VPS13B: variants seen among roughly 807,000 people sequenced by gnomAD.
The protein encoded by VPS13B is vacuolar protein sorting 13 homolog B.
VPS13B carries 285 observed loss-of-function variants against 426.4 expected under a neutral mutation model. That is an observed-to-expected ratio of 0.67 (90% CI 0.61 to 0.74). The LOEUF (loss-of-function observed/expected upper bound fraction) is 0.74, where lower values mean the gene tolerates loss of function less well. Among genes scored for constraint, VPS13B ranks in the 30% least tolerant of loss-of-function variants. VPS13B has a pLI of 0.00. For missense variants in VPS13B, 4,537 were observed against 4,782.6 expected, an observed-to-expected ratio of 0.95 and a Z score of 1.51; for synonymous variants, 1,676 against 1,676.4, an observed-to-expected ratio of 1.00 and a Z score of 0.01.
At chr8:99,241,212 G>A (rs1816917274) in intron 17 of VPS13B, 1 of 152,068 alleles carries the variant, frequency 6.6e-6, no homozygotes, top group Admixed American at 6.6e-5. Context: ...TCATGACTTA[G>A]GTCTTTTAAA....
chr8:99,561,707 G>A (rs1824931075), intron 31 of VPS13B, among the ~76,000 whole-genome samples: 1 of 152,182 alleles, frequency 6.6e-6, no homozygotes, highest in Non-Finnish European at 1.5e-5. Flanking sequence ...GATTGGTTAA[G>A]TGTATTAAAT....
chr8:99,117,035 G>GATGTAGAA (rs1847695841), intron 7 of VPS13B, among the ~76,000 whole-genome samples: 1 of 84,836 alleles, frequency 1.2e-5, no homozygotes, highest in Non-Finnish European at 2.5e-5. Flanking sequence ...TGAATGATCT[G>GATGTAGAA]ATGTAGAAAG....
intron 19 of VPS13B, among the ~76,000 whole-genome samples, chr8:99,321,087 C>G (rs1289114384): frequency 1.3e-5 from 2 of 152,040 alleles, no homozygotes; most frequent in South Asian, 2.1e-4. Context: ...AAGTCAGATT[C>G]TGGAACATTC....
chr8:99,864,518 C>A (rs1309280943), intron 58 of VPS13B, among the ~76,000 whole-genome samples: 1 of 152,216 alleles, frequency 6.6e-6, no homozygotes. Context: ...TACACCACTG[C>A]ACTCCAGCCT....
intron 17 of VPS13B, among the ~76,000 whole-genome samples, chr8:99,249,340 A>G (rs780300377): frequency 1.3e-5 from 2 of 151,878 alleles, no homozygotes; most frequent in Non-Finnish European, 2.9e-5. Context: ...AAACATTTAT[A>G]TACAAGTTTT....
At chr8:99,432,417 A>G (rs573412466) in intron 22 of VPS13B, among the ~76,000 whole-genome samples, 1 of 152,260 alleles carries the variant, frequency 6.6e-6, no homozygotes, top group East Asian at 1.9e-4. Context: ...GTGATCTGCA[A>G]AATTACAGCT....
chr8:99,535,604 CT>C (rs566242350), intron 30 of VPS13B, among the ~76,000 whole-genome samples: 13 of 151,966 alleles, frequency 8.6e-5, no homozygotes, highest in South Asian at 2.1e-4. Context: ...TTTCTTTTTA[CT>C]TTTTTCATTT....
In VPS13B at chr8:99,481,722, C is replaced by G. The variant is rs527263178; in HGVS notation, c.3790C>G (p.Pro1264Ala). ...ETMAGPVPTS[P>A]VRSSIGTAPP... ...CATGGCAGGGCCTGTTCCTACTTCTCCAGTTAGAAGCAGTATAGGCACAGC... is the reference window on the plus strand; with the variant it reads ...CATGGCAGGGCCTGTTCCTACTTCTGCAGTTAGAAGCAGTATAGGCACAGC... Residue 1264 changes from proline to alanine, a missense_variant, in exon 25 of 62, where the codon CCA becomes GCA. Pro to Ala is a conservative substitution (Grantham distance 27). Around this residue, in one of 2 missense-constraint regions of VPS13B, gnomAD observed 4,311 missense variants for 4,474.3 expected, o/e 0.96. Transcript: ENST00000357162. 6.2e-7 allele frequency: 1 copy of G among 1,614,008 alleles called. No individual in the cohort carries two copies. Among genetic ancestry groups the G allele is most frequent in the South Asian group, 1.1e-5 (1 of 91,078 alleles).
At chr8:99,235,199 C>G (rs1169810935) in intron 17 of VPS13B, among the ~76,000 whole-genome samples, 1 of 152,146 alleles carries the variant, frequency 6.6e-6, no homozygotes, top group Admixed American at 6.6e-5. Flanking sequence ...TGGAATTGAA[C>G]ACCTTCTTTG....
At chr8:99,698,050 C>A in intron 35 of VPS13B, 1 of 351,704 alleles carries the variant, frequency 2.8e-6, no homozygotes, top group Non-Finnish European at 5.5e-6. Flanking sequence ...CCTCCTGCTG[C>A]CCCACTGCCC....
intron 33 of VPS13B, among the ~76,000 whole-genome samples, chr8:99,593,967 C>G (rs901458844): frequency 1.1e-4 from 17 of 151,708 alleles, no homozygotes; most frequent in Non-Finnish European, 2.5e-4. Context: ...CTAATGGATG[C>G]TGCACCTAAT....
At chr8:99,565,898 A>C (rs776249381) in intron 31 of VPS13B, among the ~76,000 whole-genome samples, 1 of 152,150 alleles carries the variant, frequency 6.6e-6, no homozygotes, top group Non-Finnish European at 1.5e-5. Context: ...TCTAATTCTC[A>C]TACTTTGTAG....
intron 3 of VPS13B, among the ~76,000 whole-genome samples, chr8:99,054,128 A>T (rs1303865580): frequency 6.6e-6 from 1 of 152,250 alleles, no homozygotes; most frequent in Admixed American, 6.5e-5. Context: ...ATAATGCTAC[A>T]ATGAACATGG....
At chr8:99,801,471 C>T (rs1813118926) in intron 43 of VPS13B, among the ~76,000 whole-genome samples, 1 of 152,112 alleles carries the variant, frequency 6.6e-6, no homozygotes, top group Non-Finnish European at 1.5e-5. Context: ...GCTTTGTAGA[C>T]ACAAATTTTG....
At chr8:99,279,873 C>T (rs979903006) in intron 19 of VPS13B, among the ~76,000 whole-genome samples, 2 of 152,050 alleles carry the variant, frequency 1.3e-5, no homozygotes, top group African/African-American at 4.8e-5. Context: ...AGGTTCATGC[C>T]ATTCTCCTGC....
intron 23 of VPS13B, among the ~76,000 whole-genome samples, chr8:99,446,802 A>G (rs1466062960): frequency 4.6e-5 from 7 of 152,190 alleles, no homozygotes; most frequent in African/African-American, 9.6e-5. Flanking sequence ...TAGTACCTGA[A>G]TAGAGATCAA....
intron 3 of VPS13B, among the ~76,000 whole-genome samples, chr8:99,067,211 C>G (rs999761618): frequency 6.6e-6 from 1 of 152,094 alleles, no homozygotes; most frequent in Non-Finnish European, 1.5e-5. Flanking sequence ...TATTGGGGCA[C>G]TATTCACAAT....
intron 21 of VPS13B, among the ~76,000 whole-genome samples, chr8:99,405,094 AC>A (rs1488800241): frequency 6.6e-6 from 1 of 152,196 alleles, no homozygotes; most frequent in Non-Finnish European, 1.5e-5. Flanking sequence ...ACAGATGCCT[AC>A]ATAATGAAAT....
intron 33 of VPS13B, among the ~76,000 whole-genome samples, chr8:99,609,133 T>C (rs1260219498): frequency 6.6e-6 from 1 of 152,232 alleles, no homozygotes; most frequent in Non-Finnish European, 1.5e-5. Context: ...ACTTTTCTTA[T>C]TCTGTTATGT....
Sources: allele counts gnomAD v4.1 joint callset (sites outside exome capture counted in the v4.1 genomes callset), GRCh38; gene constraint gnomAD v4.1.1; regional missense constraint gnomAD v4.1.1; transcripts MANE v1.5; gene names NCBI Gene and HGNC (gene_info 2026-07-23, HGNC 2026-07-21).